The following TMEM108 variants were observed in gnomAD, a reference collection of about 807,000 sequenced individuals.
The protein encoded by TMEM108 is cancer/testis antigen 124.
A neutral mutation model predicts 35.1 loss-of-function variants in TMEM108; 12 were observed. The observed-to-expected ratio is 0.34, with a 90% CI of 0.22 to 0.55. The LOEUF is 0.55. Ranked by LOEUF, TMEM108 falls within the 20% of genes least tolerant of loss-of-function variation. The pLI, the probability that TMEM108 is intolerant of heterozygous loss-of-function variation, is 0.89. For synonymous variants in TMEM108, 287 were observed against 308.6 expected (o/e 0.93, Z 0.73); for missense variants, 680 against 753.3 (o/e 0.90, Z 1.14).
At chr3:133,146,634 AT>A in intron 2 of TMEM108, among the ~76,000 whole-genome samples, 1 of 152,248 alleles carries the variant, frequency 6.6e-6, no homozygotes, top group South Asian at 2.1e-4. Flanking sequence ...TACTGCCTCA[AT>A]TTTAGAACTT....
chr3:133,309,882 A>G (rs908162382), intron 3 of TMEM108, among the ~76,000 whole-genome samples: 16 of 151,450 alleles, frequency 1.1e-4, no homozygotes, highest in African/African-American at 3.9e-4. Flanking sequence ...TTGTATTTTT[A>G]GTAGAGACGG....
At chr3:133,058,682 C>T (rs892544360) in intron 2 of TMEM108, among the ~76,000 whole-genome samples, 2 of 152,226 alleles carry the variant, frequency 1.3e-5, no homozygotes, top group Non-Finnish European at 2.9e-5. Context: ...CTGTTCCAGG[C>T]CTCCATGTTT....
intron 2 of TMEM108, among the ~76,000 whole-genome samples, chr3:133,160,085 T>C (rs892785448): frequency 4.6e-5 from 7 of 152,204 alleles, no homozygotes; most frequent in Non-Finnish European, 8.8e-5. Flanking sequence ...AGGATTTTCC[T>C]GTGGTGTGCT....
chr3:133,329,731 G>A (rs777113351), intron 3 of TMEM108, among the ~76,000 whole-genome samples: 4 of 152,140 alleles, frequency 2.6e-5, no homozygotes, highest in Non-Finnish European at 5.9e-5. Context: ...ACAAGAGCAG[G>A]AGAAAAAGCA....
intron 2 of TMEM108, among the ~76,000 whole-genome samples, chr3:133,088,748 G>A (rs1189591698): frequency 1.3e-5 from 2 of 152,172 alleles, no homozygotes; most frequent in African/African-American, 2.4e-5. Context: ...TCCAAGAGCT[G>A]TGGCATTATG....
chr3:133,171,139 A>G (rs142649922), intron 2 of TMEM108, among the ~76,000 whole-genome samples: 1 of 152,240 alleles, frequency 6.6e-6, no homozygotes, highest in East Asian at 1.9e-4. Flanking sequence ...GATGGTGATG[A>G]CTGGCTTTCT....
At chr3:133,324,930 C>T (rs535525383) in intron 3 of TMEM108, among the ~76,000 whole-genome samples, 7 of 152,156 alleles carry the variant, frequency 4.6e-5, no homozygotes, top group South Asian at 4.2e-4. Context: ...GAGCTGAGAT[C>T]GCACCACTAC....
At chr3:133,104,792 C>A (rs1224012662) in intron 2 of TMEM108, among the ~76,000 whole-genome samples, 1 of 152,182 alleles carries the variant, frequency 6.6e-6, no homozygotes, top group Non-Finnish European at 1.5e-5. Context: ...AGACGGCCTC[C>A]ATTCATTTCC....
chr3:133,268,660 T>G (rs1946730828), intron 3 of TMEM108, among the ~76,000 whole-genome samples: 1 of 152,224 alleles, frequency 6.6e-6, no homozygotes, highest in South Asian at 2.1e-4. Context: ...TTATTATAAA[T>G]GGTAACCATG....
At chr3:133,369,409 G>A (rs1043547378) in intron 3 of TMEM108, among the ~76,000 whole-genome samples, 3 of 152,296 alleles carry the variant, frequency 2.0e-5, no homozygotes. Flanking sequence ...AAGCAACAGG[G>A]TAATCTAGCC....
intron 2 of TMEM108, among the ~76,000 whole-genome samples, chr3:133,108,800 A>G (rs567498569): frequency 7.1e-6 from 1 of 140,706 alleles, no homozygotes; most frequent in East Asian, 2.3e-4. Flanking sequence ...GAACACATGG[A>G]CACAGGAAGG....
intron 2 of TMEM108, among the ~76,000 whole-genome samples, chr3:133,162,736 G>T (rs1013527452): frequency 6.6e-6 from 1 of 152,190 alleles, no homozygotes; most frequent in Non-Finnish European, 1.5e-5. Flanking sequence ...GCTTCAACCT[G>T]CTGGCCTCAA....
chr3:133,262,499 A>T (rs1162634595), intron 3 of TMEM108, among the ~76,000 whole-genome samples: 2 of 152,226 alleles, frequency 1.3e-5, no homozygotes, highest in African/African-American at 4.8e-5. Context: ...TACCATAGTG[A>T]TGTAGAAAGA....
intron 3 of TMEM108, among the ~76,000 whole-genome samples, chr3:133,375,232 A>G (rs2072799134): frequency 6.6e-6 from 1 of 152,192 alleles, no homozygotes; most frequent in Non-Finnish European, 1.5e-5. Flanking sequence ...CAACCAAATA[A>G]ACAGAAGGAG....
At chr3:133,082,161 A>G (rs1943819763) in intron 2 of TMEM108, among the ~76,000 whole-genome samples, 1 of 152,194 alleles carries the variant, frequency 6.6e-6, no homozygotes. Context: ...CAGCCATTCT[A>G]CAGATATTTG....
At chr3:133,167,137 T>G (rs1450141681) in intron 2 of TMEM108, among the ~76,000 whole-genome samples, 1 of 152,142 alleles carries the variant, frequency 6.6e-6, no homozygotes, top group African/African-American at 2.4e-5. Flanking sequence ...AAGTCCCCAC[T>G]AGATTAGCTA....
At chr3:133,253,873 G>A (rs1284788011) in intron 3 of TMEM108, among the ~76,000 whole-genome samples, 1 of 152,086 alleles carries the variant, frequency 6.6e-6, no homozygotes. Flanking sequence ...AAAACAAAAG[G>A]AAAAAGATAA....
chr3:133,267,500 A>G (rs1191816289), intron 3 of TMEM108, among the ~76,000 whole-genome samples: 2 of 152,246 alleles, frequency 1.3e-5, no homozygotes, highest in Non-Finnish European at 2.9e-5. Context: ...TATGTGGGAA[A>G]CTATATACTG....
chr3:133,392,551 C>T (rs2073250053), intron 5 of TMEM108, among the ~76,000 whole-genome samples: 1 of 152,132 alleles, frequency 6.6e-6, no homozygotes, highest in Admixed American at 6.5e-5. Context: ...CTTAATGTCT[C>T]CCCTGGCCCC....
Sources: allele counts gnomAD v4.1 joint callset (sites outside exome capture counted in the v4.1 genomes callset), GRCh38; gene constraint gnomAD v4.1.1; transcripts MANE v1.5; gene names NCBI Gene and HGNC (gene_info 2026-07-23, HGNC 2026-07-21).